Variants in NR1D2 observed in about 807,000 individuals in gnomAD.
NR1D2 encodes V-erbA-related protein 1-related.
In NR1D2, 25 loss-of-function variants were observed where a neutral mutation model predicts 52.2. That is an observed-to-expected ratio of 0.48 (90% CI 0.35 to 0.67). The LOEUF is 0.67. Ranked by LOEUF, NR1D2 falls within the 30% of genes least tolerant of loss-of-function variation. The probability of loss-of-function intolerance (pLI) is 0.01; values close to 1 mark genes in which losing one functional copy is unlikely to be tolerated. For missense variants in NR1D2, 681 were observed against 707.2 expected (o/e 0.96, Z 0.42); for synonymous variants, 259 against 230.1 (o/e 1.13, Z -1.14).
intron 5 of NR1D2, among the ~76,000 whole-genome samples, chr3:23,964,601 A>G (rs1706389862): frequency 6.6e-6 from 1 of 152,222 alleles, no homozygotes; most frequent in Non-Finnish European, 1.5e-5. Flanking sequence ...ATCTGCCATG[A>G]ATAATAGATT....
In NR1D2 at chr3:23,959,263, CAA is replaced by C. The variant is rs5847262; in HGVS notation, c.373-391_373-390del. ...TGGGCAACAGAACGAGATCCTATCT[CAA>C]AAAAAAAAAAAAAAAAGAATCAGTC... is the stretch of plus-strand genomic sequence containing the variant. On this transcript the variant is annotated intron_variant, in intron 3 of 7. Coordinates refer to ENST00000312521, the MANE Select transcript of NR1D2 (RefSeq NM_005126.5). Among the ~76,000 whole-genome samples the C allele has an allele frequency of 8.6e-3, 787 of 91,588 alleles. 11 individuals are homozygous for C. In the East Asian group the frequency reaches 0.099, roughly 12 times the overall value. The allele number at this position is 91,588 out of a possible 152,430, so 60.1% of individuals were successfully genotyped here.
intron 1 of NR1D2, among the ~76,000 whole-genome samples, chr3:23,947,572 G>A (rs1202592142): frequency 6.6e-6 from 1 of 152,212 alleles, no homozygotes; most frequent in Non-Finnish European, 1.5e-5. Flanking sequence ...GGCAGGCTTA[G>A]TATTTTTGGC....
chr3:23,945,661 G>A, intron 1 of NR1D2, 67 bp downstream of exon 1: 1 of 1,077,036 alleles, frequency 9.3e-7, no homozygotes. Flanking sequence ...GGGGCACTTT[G>A]GGGGGCGGCG....
intron 1 of NR1D2, among the ~76,000 whole-genome samples, chr3:23,948,735 A>C (rs998198383): frequency 3.9e-5 from 6 of 152,248 alleles, no homozygotes; most frequent in Non-Finnish European, 5.9e-5. Flanking sequence ...TAGTAGAGCC[A>C]GAATTTGAAT....
Position 23,962,575 on chromosome 3 carries a change from C to G in NR1D2, c.1116C>G (p.Tyr372Ter). ...CTCAGAATGAGAACAAGAATAGTTA[C>G]CTGTGCAACACTGGAGGAAGAATGC... Reference protein sequence around the residue: ...GFSQNENKNSYLCNTGGRMHL... With the variant: ...GFSQNENKNS Residue 372 changes from tyrosine to a stop codon, truncating the protein, a stop_gained, in exon 5 of 8, where the codon TAC (tyrosine) becomes TAG (stop). Transcript: ENST00000312521. LOFTEE classifies it high-confidence loss of function. 6.2e-7 allele frequency: 1 copy of G among 1,610,656 alleles called. No individual in the cohort carries two copies. Among genetic ancestry groups the G allele is most frequent in the Non-Finnish European group, 8.5e-7 (1 of 1,177,440 alleles).
intron 6 of NR1D2, 143 bp from the exon 7 acceptor site, chr3:23,967,670 T>G (rs910537582): frequency 1.1e-5 from 7 of 626,668 alleles, no homozygotes; most frequent in Non-Finnish European, 1.1e-5. Flanking sequence ...ATAGAGTGGT[T>G]TTGAGTAAAA....
At chr3:23,952,565 C>A (rs561407758) in intron 1 of NR1D2, among the ~76,000 whole-genome samples, 99 of 151,278 alleles carry the variant, frequency 6.5e-4, no homozygotes, top group African/African-American at 2.3e-3. Flanking sequence ...AAACAAAAAC[C>A]AAAAACAAAA....
chr3:23,963,170 CAT>C, intron 5 of NR1D2: 1 of 789,698 alleles, frequency 1.3e-6, no homozygotes, highest in Non-Finnish European at 1.9e-6. Flanking sequence ...TAATGTTGGT[CAT>C]ATCATTGAAG....
chr3:23,959,947 A>G (rs1575152105), intron 4 of NR1D2, 132 bp downstream of exon 4: 3 of 776,516 alleles, frequency 3.9e-6, no homozygotes, highest in Admixed American at 2.9e-5. Flanking sequence ...ACATATTTTC[A>G]TGCTTTACAG....
In NR1D2 at chr3:23,962,487, G is replaced by A; in HGVS notation, c.1028G>A (p.Cys343Tyr). The change falls in exon 5 of 8, where the codon TGT (cysteine) becomes TAT (tyrosine). Residue 343 changes from cysteine to tyrosine, a missense_variant. Around this residue, in one of 3 missense-constraint regions of NR1D2, gnomAD observed 475 missense variants for 454.5 expected, o/e 1.05. Transcript: ENST00000312521. ...GCCATTTGTATTGCAAATGGACATT[G>A]TATGAACTTCTCCAATGCTTATACT... ...GHAICIANGHCMNFSNAYTQR... is the reference protein window; with the variant it reads ...GHAICIANGHYMNFSNAYTQR... The A allele has an allele frequency of 6.2e-7, 1 of 1,614,162 alleles. No homozygotes were observed. Among genetic ancestry groups the A allele is most frequent in the Non-Finnish European group, 8.5e-7 (1 of 1,180,024 alleles).
Position 23,977,771 on chromosome 3 carries a change from CT to C in NR1D2, c.*354del, listed in dbSNP as rs1706772803. 1 of 160,636 alleles carries C rather than the reference CT, an allele frequency of 6.2e-6. No individual in the cohort carries two copies. 10.0% of individuals were successfully genotyped at this position (160,636 alleles called of 1,614,324 possible). On this transcript the variant is annotated 3_prime_UTR_variant, in exon 8 of 8. Transcript: ENST00000312521. The stretch of plus-strand genomic sequence containing the variant: ...ACGCACAATCACAAGTGTATGAGGA[CT>C]TAGAAATTAATCCTTTGTGGTAGGA...
intron 7 of NR1D2, among the ~76,000 whole-genome samples, chr3:23,969,852 T>A (rs893122837): frequency 3.9e-5 from 6 of 152,046 alleles, no homozygotes; most frequent in Non-Finnish European, 7.4e-5. Flanking sequence ...GGAGCTGGAA[T>A]TTGAAGGTTG....
At chr3:23,968,190 TA>T (rs1706501122) in intron 7 of NR1D2, among the ~76,000 whole-genome samples, 167 bp downstream of exon 7, 1 of 152,264 alleles carries the variant, frequency 6.6e-6, no homozygotes, top group Non-Finnish European at 1.5e-5. Context: ...TTTTTCGTTA[TA>T]ACAATATATG....
At chr3:23,972,643 G>C (rs946092454) in intron 7 of NR1D2, among the ~76,000 whole-genome samples, 1 of 152,136 alleles carries the variant, frequency 6.6e-6, no homozygotes, top group Non-Finnish European at 1.5e-5. Flanking sequence ...AGAATATTTG[G>C]TGAGGAGTAC....
intron 7 of NR1D2, among the ~76,000 whole-genome samples, chr3:23,973,991 A>G (rs926470078): frequency 6.0e-5 from 9 of 149,328 alleles, no homozygotes; most frequent in African/African-American, 2.2e-4. Flanking sequence ...AACATGCATG[A>G]GCTGTCATCA....
intron 7 of NR1D2, among the ~76,000 whole-genome samples, chr3:23,973,003 C>G (rs1191095395): frequency 6.6e-6 from 1 of 152,092 alleles, no homozygotes; most frequent in Non-Finnish European, 1.5e-5. Flanking sequence ...ACTGAAAGAC[C>G]AACAACTTCA....
At chr3:23,946,318 C>T in intron 1 of NR1D2, 1 of 983,518 alleles carries the variant, frequency 1.0e-6, no homozygotes, top group Non-Finnish European at 1.2e-6. Context: ...CTGGTAGCTG[C>T]ATACCTTGCA....
At chr3:23,950,870 G>C (rs1301282459) in intron 1 of NR1D2, among the ~76,000 whole-genome samples, 2 of 150,544 alleles carry the variant, frequency 1.3e-5, no homozygotes, top group East Asian at 3.9e-4. Flanking sequence ...CATCTGCATA[G>C]CTCTAATTTC....
chr3:23,956,203 A>G (rs1455315731), intron 3 of NR1D2, 78 bp downstream of exon 3: 10 of 1,131,350 alleles, frequency 8.8e-6, no homozygotes, highest in African/African-American at 3.1e-5. Flanking sequence ...CATTTGTGCA[A>G]TTGATAGTCT....
Sources: gnomAD v4.1 joint callset for allele counts (sites outside exome capture counted in the v4.1 genomes callset) on GRCh38, gnomAD v4.1.1 for gene constraint, gnomAD v4.1.1 regional missense constraint, MANE v1.5 for transcripts, NCBI Gene and HGNC (gene_info 2026-07-23, HGNC 2026-07-21) for gene names.